The following STOM variants were observed in gnomAD, a reference collection of about 807,000 sequenced individuals.
STOM encodes the protein stomatin.
A neutral mutation model predicts 30.6 loss-of-function variants in STOM; 25 were observed. That is an observed-to-expected ratio of 0.82 (90% CI 0.60 to 1.14). The LOEUF (loss-of-function observed/expected upper bound fraction) is 1.14. STOM is among the 50% of genes most tolerant of loss of function. The pLI, the probability that STOM is intolerant of heterozygous loss-of-function variation, is 0.00. For missense variants in STOM, 292 were observed against 365.2 expected, an observed-to-expected ratio of 0.80 and a Z score of 1.63; for synonymous variants, 118 against 130.8, an observed-to-expected ratio of 0.90 and a Z score of 0.67.
intron 1 of STOM, 37 bp from the exon 2 acceptor site, chr9:121,356,193 T>C (rs761967190): frequency 6.5e-7 from 1 of 1,546,624 alleles, no homozygotes; most frequent in South Asian, 1.1e-5. Flanking sequence ...CTCACAACTG[T>C]TACTAGCATA....
intron 4 of STOM, among the ~76,000 whole-genome samples, chr9:121,350,648 C>T (rs771260205): frequency 5.9e-5 from 9 of 152,176 alleles, no homozygotes; most frequent in Non-Finnish European, 2.9e-5. Flanking sequence ...ACCCATTTGA[C>T]CAACAGATTC....
intron 3 of STOM, among the ~76,000 whole-genome samples, chr9:121,353,516 T>C (rs1423474130): frequency 6.6e-6 from 1 of 152,218 alleles, no homozygotes; most frequent in Non-Finnish European, 1.5e-5. Flanking sequence ...TTCCTTAATC[T>C]ACTGTTGCTA....
intron 1 of STOM, among the ~76,000 whole-genome samples, chr9:121,357,597 A>G (rs57248636): frequency 0.13 from 20,274 of 150,972 alleles, 1,867 homozygotes; most frequent in African/African-American, 0.26. Context: ...CTGCCACCAC[A>G]CCCGGCTACT....
chr9:121,351,893 GTTTCTAATTC>G (rs1274617466), intron 4 of STOM, among the ~76,000 whole-genome samples: 1 of 152,044 alleles, frequency 6.6e-6, no homozygotes, highest in Non-Finnish European at 1.5e-5. Flanking sequence ...CCAACAAGCA[GTTTCTAATTC>G]TTTGGTTTCT....
intron 1 of STOM, among the ~76,000 whole-genome samples, chr9:121,369,544 A>C (rs1238953221): frequency 2.6e-5 from 4 of 152,198 alleles, no homozygotes; most frequent in African/African-American, 4.8e-5. Flanking sequence ...GAGTTCTCCA[A>C]AACGCAGAGG....
rs761573668 is a variant in STOM, at chr9:121,349,222, T to G, written c.423A>C (p.Ser141=). 4.3e-6 allele frequency: 7 copies of G among 1,614,216 alleles called. No homozygotes were observed. The Admixed American group carries it at 1.0e-4, about 23-fold the overall frequency. ...TAGTTTGTGCCAAAAGACGGGTTGC[T>G]GAGTCAGCGTTGGTGATATTTGCCA... is the stretch of plus-strand genomic sequence containing the variant. The part of the protein sequence containing the change: ...LAVANITNAD[S]ATRLLAQTTL... Residue 141 remains serine (S), a synonymous_variant, in exon 5 of 7, where the codon TCA becomes TCC. Coordinates refer to ENST00000286713, the MANE Select transcript of STOM (RefSeq NM_004099.6).
intron 1 of STOM, 195 bp downstream of exon 1, chr9:121,369,932 C>T: frequency 1.9e-6 from 1 of 521,600 alleles, no homozygotes; most frequent in South Asian, 3.0e-5. Context: ...GGCAGCCCGC[C>T]ACCCCTCCAT....
chr9:121,366,190 G>GT (rs925617144), intron 1 of STOM: 2 of 985,156 alleles, frequency 2.0e-6, no homozygotes, highest in Admixed American at 1.2e-4. Context: ...TTTATTGGTT[G>GT]TATCTTCAAG....
chr9:121,358,341 G>C (rs1405266019), intron 1 of STOM, among the ~76,000 whole-genome samples: 1 of 151,964 alleles, frequency 6.6e-6, no homozygotes, highest in East Asian at 1.9e-4. Flanking sequence ...GCACACACCT[G>C]TAGTCCCAGC....
chr9:121,357,944 T>C (rs1293501031), intron 1 of STOM, among the ~76,000 whole-genome samples: 1 of 152,004 alleles, frequency 6.6e-6, no homozygotes, highest in Non-Finnish European at 1.5e-5. Context: ...CTCTTCCAAT[T>C]TCCTCCTCCT....
At chr9:121,369,140 T>C (rs2064535756) in intron 1 of STOM, among the ~76,000 whole-genome samples, 1 of 152,170 alleles carries the variant, frequency 6.6e-6, no homozygotes. Flanking sequence ...CAGGGATCCC[T>C]GGACAAGGGA....
intron 5 of STOM, among the ~76,000 whole-genome samples, chr9:121,348,918 T>C (rs1271355140): frequency 6.6e-6 from 1 of 152,110 alleles, no homozygotes; most frequent in East Asian, 1.9e-4. Context: ...TTTAAAAAAA[T>C]GTACGCATGA....
chr9:121,357,052 C>T (rs1182863330), intron 1 of STOM, among the ~76,000 whole-genome samples: 19 of 151,992 alleles, frequency 1.3e-4, no homozygotes, highest in Non-Finnish European at 1.3e-4. Context: ...GAGTACAGTA[C>T]GAATAAAGGT....
intron 1 of STOM, 38 bp downstream of exon 1, chr9:121,370,089 T>A: frequency 2.7e-6 from 4 of 1,509,064 alleles, no homozygotes; most frequent in Non-Finnish European, 3.6e-6. Context: ...GGGCGGGGGC[T>A]CGGTCCACGG....
chr9:121,344,416 C>A (rs1189274598), intron 6 of STOM, among the ~76,000 whole-genome samples: 1 of 152,178 alleles, frequency 6.6e-6, no homozygotes, highest in African/African-American at 2.4e-5. Context: ...AATACACAAT[C>A]GCTTGGCTGA....
chr9:121,347,962 T>G, intron 6 of STOM, 53 bp downstream of exon 6: 2 of 1,542,456 alleles, frequency 1.3e-6, no homozygotes, highest in South Asian at 1.2e-5. Context: ...TTTTTATAAT[T>G]ATTAATAAAA....
Position 121,370,239 on chromosome 9 carries a change from C to T in STOM, c.-52G>A, listed in dbSNP as rs2064553610. 1.3e-6 allele frequency: 2 copies of T among 1,525,238 alleles called. No individual in the cohort carries two copies. Among genetic ancestry groups the T allele is most frequent in the Non-Finnish European group, 1.8e-6 (2 of 1,131,632 alleles). The allele number at this position is 1,525,238 out of a possible 1,614,324, so 94.5% of individuals were successfully genotyped here. A position where few individuals can be genotyped will look rare whatever the true frequency, so the allele number is the denominator to read the frequency against. The stretch of plus-strand genomic sequence containing the variant: ...CCGTCCTCGTTGCCAAACCCGGAGC[C>T]GCCGGGAATGCCCTGAGGAGCCAGA... On this transcript the variant is annotated 5_prime_UTR_variant, in exon 1 of 7. Coordinates refer to ENST00000286713, the MANE Select transcript of STOM (RefSeq NM_004099.6).
At chr9:121,360,031 C>T (rs2064435028) in intron 1 of STOM, among the ~76,000 whole-genome samples, 1 of 152,208 alleles carries the variant, frequency 6.6e-6, no homozygotes, top group Non-Finnish European at 1.5e-5. Flanking sequence ...ATTTATCTGA[C>T]AGCATTTGGT....
In STOM at chr9:121,341,225, C is replaced by T; in HGVS notation, c.844G>A (p.Ala282Thr). The T allele has an allele frequency of 6.2e-7, 1 of 1,614,118 alleles. No individual in the cohort carries two copies. Among genetic ancestry groups the T allele is most frequent in the Non-Finnish European group, 8.5e-7 (1 of 1,180,034 alleles). The change falls in exon 7 of 7, where the codon GCA becomes ACA. Residue 282 changes from alanine (A) to threonine (T), a missense_variant. By Grantham distance (58) the Ala-to-Thr change is moderately conservative. Coordinates refer to ENST00000286713, the MANE Select transcript of STOM (RefSeq NM_004099.6). ...PIDMLQGIIG[A>T]KHSHLG Reference sequence around the variant, plus strand: ...CACTAGCCTAGATGGCTGTGTTTTGCCCCTATGATTCCTTGCAGCATATCT... The same window carrying T: ...CACTAGCCTAGATGGCTGTGTTTTGTCCCTATGATTCCTTGCAGCATATCT...
Sources: gnomAD v4.1 joint callset for allele counts (sites outside exome capture counted in the v4.1 genomes callset) on GRCh38, gnomAD v4.1.1 for gene constraint, MANE v1.5 for transcripts, NCBI Gene and HGNC (gene_info 2026-07-23, HGNC 2026-07-21) for gene names.